Variants in RAI1 observed in about 807,000 individuals in gnomAD.
RAI1 encodes retinoic acid induced 1.
Under a neutral mutation model 123.8 loss-of-function variants are expected in RAI1, and 9 were observed. The ratio of observed to expected loss-of-function variants is 0.07; its 90% CI spans 0.04 to 0.13. The LOEUF (loss-of-function observed/expected upper bound fraction) is 0.13, where lower values mean the gene tolerates loss of function less well. Among genes scored for constraint, RAI1 ranks in the 10% least tolerant of loss-of-function variants. The pLI, the probability that RAI1 is intolerant of heterozygous loss-of-function variation, is 1.00. For missense variants in RAI1, 2,256 were observed against 2,545.8 expected, an observed-to-expected ratio of 0.89 and a Z score of 2.45; for synonymous variants, 1,231 against 1,127.3, an observed-to-expected ratio of 1.09 and a Z score of -1.84.
intron 2 of RAI1, among the ~76,000 whole-genome samples, chr17:17,743,156 AT>A (rs1286876315): frequency 1.3e-5 from 2 of 152,102 alleles, no homozygotes; most frequent in African/African-American, 2.4e-5. Context: ...TACCCGGCTA[AT>A]TTTTAATTTT....
rs567969491 is a variant in RAI1, at chr17:17,700,971, G to T, written c.-149+19178G>T. On this transcript the variant is annotated intron_variant, in intron 1 of 5. Coordinates refer to ENST00000353383, the MANE Select transcript of RAI1 (RefSeq NM_030665.4). ...GCTCTTGAGGGTTGAATGTGACCTCGCAGAGACCCCAGATGCCTCATCTCG... is the reference window on the plus strand; with the variant it reads ...GCTCTTGAGGGTTGAATGTGACCTCTCAGAGACCCCAGATGCCTCATCTCG... Among the ~76,000 whole-genome samples, 9 of 152,268 alleles carry T rather than the reference G, an allele frequency of 5.9e-5. No individual in the cohort carries two copies. In the South Asian group the frequency reaches 1.9e-3, roughly 32 times the overall value.
At chr17:17,768,026 T>G (rs1483380551) in intron 2 of RAI1, among the ~76,000 whole-genome samples, 1 of 152,224 alleles carries the variant, frequency 6.6e-6, no homozygotes, top group African/African-American at 2.4e-5. Flanking sequence ...ATTGGCTTAA[T>G]GTAAGTGGAA....
At chr17:17,740,889 A>G (rs1388242319) in intron 2 of RAI1, among the ~76,000 whole-genome samples, 6 of 132,290 alleles carry the variant, frequency 4.5e-5, no homozygotes, top group East Asian at 5.0e-4. Flanking sequence ...AGGAAACTCA[A>G]TCTTGTCTTT....
In RAI1 at chr17:17,793,296, G is replaced by C. The variant is rs751487403; in HGVS notation, c.348G>C (p.Glu116Asp). 6.2e-7 allele frequency: 1 copy of C among 1,612,490 alleles called. No homozygotes were observed. The highest frequency in any genetic ancestry group is 1.1e-5 in the South Asian group (1 of 91,058). The change falls in exon 3 of 6, where the codon GAG becomes GAC. Residue 116 changes from glutamate (E) to aspartate (D), a missense_variant. Physicochemically the swap from Glu to Asp is conservative, Grantham distance 45. Transcript: ENST00000353383. The stretch of plus-strand genomic sequence containing the variant: ...ACCCAGGCCGCTATGCTGGTGAGGA[G>C]AGCCTTCAGGCTTGGGGGGCCCCAC... Reference protein sequence around the residue: ...SPYPGRYAGEESLQAWGAPQP... With the variant: ...SPYPGRYAGEDSLQAWGAPQP...
Position 17,714,120 on chromosome 17 carries a change from T to A in RAI1, c.-148-9908T>A, listed in dbSNP as rs1915644435. 6.6e-6 allele frequency among the ~76,000 whole-genome samples: 1 copy of A among 152,100 alleles called. No homozygotes were observed. Among genetic ancestry groups the A allele is most frequent in the Non-Finnish European group, 1.5e-5 (1 of 68,012 alleles). ...CCTCCCGAGCAGCTCCCTCCTTCCA[T>A]TTCTGGGCAGCCCTGCCTGCTAGCA... On this transcript the variant is annotated intron_variant, in intron 1 of 5. Transcript: ENST00000353383. This position sits in a 1 kb window ranked among gnomAD's most constrained non-coding sequence, Gnocchi z 4.9.
intron 1 of RAI1, among the ~76,000 whole-genome samples, chr17:17,716,670 T>A (rs1200643638): frequency 1.3e-5 from 2 of 152,222 alleles, no homozygotes; most frequent in South Asian, 4.1e-4. Context: ...TGATTCTGTC[T>A]GACTCTGGGT....
chr17:17,779,117 C>T (rs938256216), intron 2 of RAI1: 2 of 351,568 alleles, frequency 5.7e-6, no homozygotes, highest in Non-Finnish European at 1.1e-5. Flanking sequence ...AGCCAGTTGT[C>T]CATTCAGACA....
At chr17:17,808,492 G>T (rs1181100650) in intron 4 of RAI1, among the ~76,000 whole-genome samples, 1 of 148,326 alleles carries the variant, frequency 6.7e-6, no homozygotes, top group Non-Finnish European at 1.5e-5. Flanking sequence ...GTGTTGCCCA[G>T]GCAGGGGTGC....
At chr17:17,743,568 C>T (rs781237657) in intron 2 of RAI1, among the ~76,000 whole-genome samples, 3 of 152,216 alleles carry the variant, frequency 2.0e-5, no homozygotes, top group Non-Finnish European at 4.4e-5. Flanking sequence ...TGGTGTATGC[C>T]ACTGGAAACT....
intron 2 of RAI1, among the ~76,000 whole-genome samples, chr17:17,775,432 G>A (rs2031306972): frequency 1.3e-5 from 2 of 151,990 alleles, no homozygotes; most frequent in Admixed American, 1.3e-4. Flanking sequence ...ACAAACTCCT[G>A]GGCTCATGCA....
At chr17:17,788,776 T>G (rs2031916796) in intron 2 of RAI1, among the ~76,000 whole-genome samples, 1 of 152,062 alleles carries the variant, frequency 6.6e-6, no homozygotes, top group Non-Finnish European at 1.5e-5. Context: ...TCCCTTTCTC[T>G]TAGGAAAAAA....
chr17:17,716,142 G>A (rs1198710543), intron 1 of RAI1, among the ~76,000 whole-genome samples: 1 of 152,244 alleles, frequency 6.6e-6, no homozygotes, highest in Admixed American at 6.5e-5. Context: ...GCGGCCAGGA[G>A]AAGGCCTGGA....
At chr17:17,701,079 C>T (rs970994337) in intron 1 of RAI1, among the ~76,000 whole-genome samples, 1 of 152,130 alleles carries the variant, frequency 6.6e-6, no homozygotes, top group Non-Finnish European at 1.5e-5. Flanking sequence ...CTCCCTGAAA[C>T]CCACCCCTGC....
chr17:17,682,966 C>T (rs1914492778), intron 1 of RAI1, among the ~76,000 whole-genome samples: 1 of 152,088 alleles, frequency 6.6e-6, no homozygotes, highest in South Asian at 2.1e-4. Context: ...GGGCGCTGCT[C>T]CGCGCGCCGC....
rs745515458 is a variant in RAI1 at position 17,795,676 on chromosome 17, T to G, written c.2728T>G (p.Ser910Ala). The G allele has an allele frequency of 1.1e-4, 180 of 1,613,316 alleles. No individual in the cohort carries two copies. In the Admixed American group the frequency reaches 3.0e-3, roughly 27 times the overall value. Residue 910 changes from serine to alanine, a missense_variant, in exon 3 of 6, where the codon TCC becomes GCC. This residue lies in a region of RAI1 where 566 missense variants were observed against 616.0 expected (regional missense o/e 0.92). Transcript: ENST00000353383. The surrounding 1 kb of genome is among the most constrained non-coding windows in gnomAD (Gnocchi z 5.9). ...GGAGGAGGTGGAGGAGGTGCTGGACTCCAAGGCCGGCTGGGGCTCTCCGTG... is the reference window on the plus strand; with the variant it reads ...GGAGGAGGTGGAGGAGGTGCTGGACGCCAAGGCCGGCTGGGGCTCTCCGTG... ...TKEEVEEVLD[S>A]KAGWGSPCHL...
At chr17:17,722,825 C>T (rs939470989) in intron 1 of RAI1, among the ~76,000 whole-genome samples, 2 of 147,020 alleles carry the variant, frequency 1.4e-5, no homozygotes, top group Non-Finnish European at 2.9e-5. Context: ...CGATGAAGGC[C>T]CCCCTCTTCT....
chr17:17,743,212 A>G (rs778083082), intron 2 of RAI1, among the ~76,000 whole-genome samples: 8 of 151,882 alleles, frequency 5.3e-5, no homozygotes, highest in Non-Finnish European at 1.0e-4. Context: ...CTGGTCTCCA[A>G]CTCCTGGGTT....
At chr17:17,687,684 G>A (rs951007608) in intron 1 of RAI1, among the ~76,000 whole-genome samples, 1 of 152,174 alleles carries the variant, frequency 6.6e-6, no homozygotes, top group Admixed American at 6.5e-5. Flanking sequence ...CTTTCCCTCT[G>A]TGAGGGTCAG....
intron 1 of RAI1, among the ~76,000 whole-genome samples, chr17:17,694,809 A>G (rs865830020): frequency 6.6e-6 from 1 of 150,486 alleles, no homozygotes; most frequent in African/African-American, 2.4e-5. Context: ...CCGGCCCGGC[A>G]TGCTTCGCGG....
Sources: allele counts gnomAD v4.1 joint callset (sites outside exome capture counted in the v4.1 genomes callset), GRCh38; gene constraint gnomAD v4.1.1; regional missense constraint gnomAD v4.1.1; non-coding constraint Gnocchi (gnomAD v3.1); transcripts MANE v1.5; gene names NCBI Gene and HGNC (gene_info 2026-07-23, HGNC 2026-07-21).